The following ATP6V1H variants were observed in gnomAD, a reference collection of about 807,000 sequenced individuals.
The protein encoded by ATP6V1H is ATPase H+ transporting V1 subunit H.
Under a neutral mutation model 71.7 loss-of-function variants are expected in ATP6V1H, and 39 were observed. That is an observed-to-expected ratio of 0.54 (90% CI 0.42 to 0.71). The LOEUF (loss-of-function observed/expected upper bound fraction) is 0.71. ATP6V1H is among the 30% of genes least tolerant of loss of function. The probability of loss-of-function intolerance (pLI) is 0.00; values close to 1 mark genes in which losing one functional copy is unlikely to be tolerated. For synonymous variants in ATP6V1H, 192 were observed against 199.3 expected (o/e 0.96, Z 0.31); for missense variants, 509 against 594.9 (o/e 0.86, Z 1.50).
At chr8:53,783,873 GA>G (rs1809262458) in intron 9 of ATP6V1H, among the ~76,000 whole-genome samples, 1 of 152,166 alleles carries the variant, frequency 6.6e-6, no homozygotes, top group Non-Finnish European at 1.5e-5. Context: ...TCTTAATCCT[GA>G]GTTCTAGTTT....
chr8:53,746,997 T>C (rs1176573257), intron 12 of ATP6V1H, among the ~76,000 whole-genome samples: 1 of 152,216 alleles, frequency 6.6e-6, no homozygotes, highest in Non-Finnish European at 1.5e-5. Context: ...AGTTCAGCAC[T>C]GGTACATACA....
At position 53,817,485 on chromosome 8, in the gene ATP6V1H, T is replaced by C. The variant is rs1810488514; in HGVS notation, c.352A>G (p.Ser118Gly). 3 of 1,613,680 alleles carry C rather than the reference T, an allele frequency of 1.9e-6. No homozygotes were observed. Among genetic ancestry groups the C allele is most frequent in the Non-Finnish European group, 2.5e-6 (3 of 1,179,792 alleles). Reference sequence around the variant, plus strand: ...AAGTAGGGCCACGCAGTGTTCTTGCTACATCTTGCATAGTCAAAGAAAATG... The same window carrying C: ...AAGTAGGGCCACGCAGTGTTCTTGCCACATCTTGCATAGTCAAAGAAAATG... ...VSIFFDYARC[S>G]KNTAWPYFLP... Residue 118 changes from serine to glycine, a missense_variant, in exon 5 of 14, where the codon AGC becomes GGC. Transcript: ENST00000359530.
intron 9 of ATP6V1H, among the ~76,000 whole-genome samples, chr8:53,785,557 C>G (rs898190394): frequency 1.3e-5 from 2 of 152,222 alleles, no homozygotes; most frequent in African/African-American, 4.8e-5. Context: ...AATTCTCCAT[C>G]CAGCTTTGTT....
intron 8 of ATP6V1H, among the ~76,000 whole-genome samples, chr8:53,799,381 C>T (rs934662533): frequency 1.3e-5 from 2 of 152,068 alleles, no homozygotes; most frequent in Admixed American, 6.5e-5. Context: ...TAAATAATTA[C>T]CCTTTATTGC....
chr8:53,785,242 C>A (rs1258944894), intron 9 of ATP6V1H, among the ~76,000 whole-genome samples: 1 of 152,126 alleles, frequency 6.6e-6, no homozygotes, highest in Non-Finnish European at 1.5e-5. Context: ...CATTTCTTTT[C>A]ACTCTTTTTT....
chr8:53,773,908 C>G (rs1161944267), intron 9 of ATP6V1H, among the ~76,000 whole-genome samples: 1 of 151,692 alleles, frequency 6.6e-6, no homozygotes. Context: ...ACTTAAGAAC[C>G]AAGTGGAGAT....
intron 9 of ATP6V1H, among the ~76,000 whole-genome samples, chr8:53,772,399 T>C (rs918118315): frequency 6.6e-6 from 1 of 152,178 alleles, no homozygotes; most frequent in African/African-American, 2.4e-5. Flanking sequence ...ACATCTTTAA[T>C]TTTTGACCCA....
At chr8:53,833,555 A>G (rs1811072501) in intron 2 of ATP6V1H, among the ~76,000 whole-genome samples, 2 of 144,054 alleles carry the variant, frequency 1.4e-5, no homozygotes, top group South Asian at 2.2e-4. Flanking sequence ...CTCCAGACAG[A>G]AAAAAAAAAA....
At chr8:53,778,531 G>C (rs1808973947) in intron 9 of ATP6V1H, among the ~76,000 whole-genome samples, 1 of 152,112 alleles carries the variant, frequency 6.6e-6, no homozygotes, top group Non-Finnish European at 1.5e-5. Flanking sequence ...AGACTATTCA[G>C]CCATAGAAAA....
intron 9 of ATP6V1H, among the ~76,000 whole-genome samples, chr8:53,784,474 G>A (rs1035087668): frequency 6.6e-6 from 1 of 151,958 alleles, no homozygotes; most frequent in Non-Finnish European, 1.5e-5. Flanking sequence ...ACACTGATGG[G>A]TCTTGACTCT....
At chr8:53,737,230 C>T (rs1028594929) in intron 13 of ATP6V1H, among the ~76,000 whole-genome samples, 1 of 152,228 alleles carries the variant, frequency 6.6e-6, no homozygotes, top group African/African-American at 2.4e-5. Flanking sequence ...CCTGCTATGA[C>T]AGTGCACTGA....
intron 3 of ATP6V1H, among the ~76,000 whole-genome samples, chr8:53,830,979 G>A (rs1027819766): frequency 3.3e-5 from 5 of 152,094 alleles, no homozygotes; most frequent in African/African-American, 9.7e-5. Flanking sequence ...AGATTTCATC[G>A]CACAACTTAA....
intron 7 of ATP6V1H, among the ~76,000 whole-genome samples, chr8:53,803,619 G>A (rs539611357): frequency 6.6e-5 from 10 of 152,182 alleles, no homozygotes; most frequent in African/African-American, 2.4e-4. Context: ...TCAAGAAAAG[G>A]TGATCTTGGG....
intron 12 of ATP6V1H, among the ~76,000 whole-genome samples, chr8:53,755,710 A>AATTTTT (rs1808004759): frequency 4.8e-4 from 5 of 10,428 alleles, no homozygotes; most frequent in African/African-American, 1.4e-3. Context: ...ATATATATAT[A>AATTTTT]TATATATATA....
chr8:53,778,878 T>C (rs556396852), intron 9 of ATP6V1H, among the ~76,000 whole-genome samples: 4 of 152,250 alleles, frequency 2.6e-5, no homozygotes, highest in South Asian at 2.1e-4. Flanking sequence ...GAAAAAGATA[T>C]AGCATGCAAC....
chr8:53,810,379 G>A (rs1810234522), intron 7 of ATP6V1H, among the ~76,000 whole-genome samples: 2 of 152,162 alleles, frequency 1.3e-5, no homozygotes, highest in South Asian at 2.1e-4. Context: ...AGGAACTTGG[G>A]GAGCCATAAT....
chr8:53,766,736 C>G (rs1808485040), intron 11 of ATP6V1H, among the ~76,000 whole-genome samples: 1 of 152,104 alleles, frequency 6.6e-6, no homozygotes, highest in Non-Finnish European at 1.5e-5. Flanking sequence ...CTCCAGTCTC[C>G]CATAGCGTTC....
At chr8:53,799,072 G>A (rs1809831941) in intron 8 of ATP6V1H, among the ~76,000 whole-genome samples, 1 of 151,948 alleles carries the variant, frequency 6.6e-6, no homozygotes. Flanking sequence ...CTTTCTTACA[G>A]GTCCTCCATA....
chr8:53,760,917 T>C (rs1224507274), intron 11 of ATP6V1H, among the ~76,000 whole-genome samples: 2 of 152,360 alleles, frequency 1.3e-5, no homozygotes, highest in South Asian at 2.1e-4. Flanking sequence ...GTCACTCATA[T>C]TGGCTCAGAA....
Sources: allele counts gnomAD v4.1 joint callset (sites outside exome capture counted in the v4.1 genomes callset), GRCh38; gene constraint gnomAD v4.1.1; transcripts MANE v1.5; gene names NCBI Gene and HGNC (gene_info 2026-07-23, HGNC 2026-07-21).